LRRC7: variants seen among roughly 807,000 people sequenced by gnomAD.
The protein encoded by LRRC7 is leucine rich repeat containing 7.
A neutral mutation model predicts 175.7 loss-of-function variants in LRRC7; 23 were observed. The ratio of observed to expected loss-of-function variants is 0.13; its 90% CI spans 0.09 to 0.19. The LOEUF (loss-of-function observed/expected upper bound fraction) is 0.19, where lower values mean the gene tolerates loss of function less well. Among genes scored for constraint, LRRC7 ranks in the 10% least tolerant of loss-of-function variants. The pLI is 1.00. For synonymous variants in LRRC7, 685 were observed against 680.9 expected (o/e 1.01, Z -0.09); for missense variants, 1,354 against 1,904.7 (o/e 0.71, Z 5.38).
chr1:69,875,731 AATG>A (rs1182632223), intron 7 of LRRC7, among the ~76,000 whole-genome samples: 1 of 152,090 alleles, frequency 6.6e-6, no homozygotes, highest in Admixed American at 6.6e-5. Flanking sequence ...AAACAGGTAA[AATG>A]ATAATAAGAT....
intron 4 of LRRC7, among the ~76,000 whole-genome samples, chr1:69,813,340 A>G (rs1193298199): frequency 6.6e-6 from 1 of 152,148 alleles, no homozygotes; most frequent in East Asian, 1.9e-4. Flanking sequence ...AGACTCAACC[A>G]TACCAACTGA....
intron 7 of LRRC7, among the ~76,000 whole-genome samples, chr1:69,885,875 T>C (rs376588713): frequency 2.7e-4 from 32 of 119,548 alleles, no homozygotes; most frequent in African/African-American, 9.2e-4. Flanking sequence ...TCGTTATGTA[T>C]CCAGTAGTCA....
chr1:70,058,013 T>A (rs995370226), intron 23 of LRRC7, among the ~76,000 whole-genome samples: 9 of 132,144 alleles, frequency 6.8e-5, no homozygotes, highest in African/African-American at 2.6e-4. Flanking sequence ...AGACTCACAA[T>A]TTTTTTTTTT....
At chr1:70,058,311 A>C (rs901846629) in intron 23 of LRRC7, among the ~76,000 whole-genome samples, 6 of 152,164 alleles carry the variant, frequency 3.9e-5, no homozygotes, top group Non-Finnish European at 7.4e-5. Flanking sequence ...TGCCCGGCCC[A>C]AAATCTCAAA....
At chr1:69,601,698 C>T (rs1033655152) in intron 1 of LRRC7, among the ~76,000 whole-genome samples, 5 of 152,084 alleles carry the variant, frequency 3.3e-5, no homozygotes, top group Non-Finnish European at 7.4e-5. Flanking sequence ...ATATATAAAA[C>T]TTTTTCCAGG....
At chr1:70,103,559 T>C (rs975447985) in intron 25 of LRRC7, among the ~76,000 whole-genome samples, 3 of 152,082 alleles carry the variant, frequency 2.0e-5, no homozygotes, top group Admixed American at 2.0e-4. Context: ...CCCTGAAGAT[T>C]CCAGAAAAGA....
intron 8 of LRRC7, among the ~76,000 whole-genome samples, chr1:69,955,007 G>A (rs1185038465): frequency 6.6e-6 from 1 of 151,958 alleles, no homozygotes. Flanking sequence ...GAATAATTAG[G>A]ATCAAATTAT....
intron 2 of LRRC7, among the ~76,000 whole-genome samples, chr1:69,729,421 T>C (rs758586854): frequency 3.9e-4 from 59 of 152,034 alleles, no homozygotes; most frequent in Non-Finnish European, 5.6e-4. Context: ...CTAGATACAA[T>C]GGGGGTACAG....
At chr1:69,801,213 G>A (rs934234531) in intron 4 of LRRC7, among the ~76,000 whole-genome samples, 1 of 151,850 alleles carries the variant, frequency 6.6e-6, no homozygotes. Context: ...TTGGTATCAG[G>A]ATAATACTTG....
intron 9 of LRRC7, among the ~76,000 whole-genome samples, chr1:69,984,563 C>T (rs564110274): frequency 6.6e-6 from 1 of 152,222 alleles, no homozygotes; most frequent in African/African-American, 2.4e-5. Flanking sequence ...TGCCCTAACT[C>T]CTCTAGTCCG....
chr1:69,910,863 C>T (rs2101701264), intron 7 of LRRC7, among the ~76,000 whole-genome samples: 1 of 152,344 alleles, frequency 6.6e-6, no homozygotes, highest in South Asian at 2.1e-4. Flanking sequence ...GTTTGAGCTT[C>T]CTGGCTGCTT....
In LRRC7 at chr1:70,141,484, A is replaced by ATATC. The variant is rs1223270214; in HGVS notation, c.*19600_*19603dup. On this transcript the variant is annotated 3_prime_UTR_variant, in exon 27 of 27. Coordinates refer to ENST00000651989, the MANE Select transcript of LRRC7 (RefSeq NM_001370785.2). ...CAATCCTAAATCTCCTATGTCCTCA[A>ATATC]TATCTAGAAACAAGCAGGAACTGTT... is the stretch of plus-strand genomic sequence containing the variant. The ATATC allele has an allele frequency of 7.9e-5, 12 of 152,240 alleles. No homozygotes were observed. In the East Asian group the frequency reaches 2.1e-3, roughly 27 times the overall value. The allele number at this position is 152,240 out of a possible 1,614,324, so 9.4% of individuals were successfully genotyped here. A position where few individuals can be genotyped will look rare whatever the true frequency, so the allele number is the denominator to read the frequency against.
Position 69,569,539 on chromosome 1 carries a change from T to C in LRRC7, c.2+898T>C, listed in dbSNP as rs147226489. 7.0e-3 allele frequency among the ~76,000 whole-genome samples: 1,044 copies of C among 150,026 alleles called. 11 individuals carry two copies. Among genetic ancestry groups the C allele is most frequent in the African/African-American group, 0.024 (982 of 41,246 alleles). The stretch of plus-strand genomic sequence containing the variant: ...GCACCCTGGCTCGTGGACTATTAGA[T>C]TGGCTACCAGTGGTCTCTAATCTTA... On this transcript the variant is annotated intron_variant, in intron 1 of 26. Transcript: ENST00000651989.
Position 70,076,231 on chromosome 1 carries a change from G to A in LRRC7, c.4385G>A (p.Gly1462Glu). 6.2e-7 allele frequency: 1 copy of A among 1,614,056 alleles called. No homozygotes were observed. Among genetic ancestry groups the A allele is most frequent in the Non-Finnish European group, 8.5e-7 (1 of 1,179,980 alleles). ...ATCCCCTCTTCACAGGCCACCCGGGGACCTCAGCCTGGACGGTGCTTAATT... is the reference window on the plus strand; with the variant it reads ...ATCCCCTCTTCACAGGCCACCCGGGAACCTCAGCCTGGACGGTGCTTAATT... ...IQIPSSQATR[G>E]PQPGRCLIQT... The change falls in exon 24 of 27, where the codon GGA becomes GAA. Residue 1462 changes from glycine to glutamate, a missense_variant. Gly to Glu is a moderately conservative substitution (Grantham distance 98). Around this residue, in one of 4 missense-constraint regions of LRRC7, gnomAD observed 1,032 missense variants for 1,227.2 expected, o/e 0.84. Transcript: ENST00000651989.
At chr1:69,601,163 A>G (rs745760923) in intron 1 of LRRC7, among the ~76,000 whole-genome samples, 1 of 152,188 alleles carries the variant, frequency 6.6e-6, no homozygotes, top group African/African-American at 2.4e-5. Flanking sequence ...AGATCAGGAC[A>G]CTAGGTGTAC....
intron 1 of LRRC7, among the ~76,000 whole-genome samples, chr1:69,622,083 C>CT (rs1557499206): frequency 6.6e-6 from 1 of 152,202 alleles, no homozygotes; most frequent in Non-Finnish European, 1.5e-5. Context: ...CAAAGAAATG[C>CT]TAGCTACTCA....
At chr1:69,718,098 A>AG (rs1665839920) in intron 2 of LRRC7, among the ~76,000 whole-genome samples, 1 of 96,172 alleles carries the variant, frequency 1.0e-5, no homozygotes, top group African/African-American at 4.5e-5. Flanking sequence ...AAGAAAGAGA[A>AG]GAAAGAGAGA....
intron 8 of LRRC7, among the ~76,000 whole-genome samples, chr1:69,973,125 G>A (rs952475050): frequency 2.7e-5 from 4 of 150,010 alleles, no homozygotes; most frequent in African/African-American, 9.8e-5. Context: ...TGAATTAATG[G>A]CATTCACAGC....
chr1:69,840,182 T>C (rs1293783154), intron 7 of LRRC7, among the ~76,000 whole-genome samples: 1 of 151,912 alleles, frequency 6.6e-6, no homozygotes, highest in African/African-American at 2.4e-5. Context: ...AAGAACCAAA[T>C]TCAGGCATAA....
Sources: allele counts gnomAD v4.1 joint callset (sites outside exome capture counted in the v4.1 genomes callset), GRCh38; gene constraint gnomAD v4.1.1; regional missense constraint gnomAD v4.1.1; transcripts MANE v1.5; gene names NCBI Gene and HGNC (gene_info 2026-07-23, HGNC 2026-07-21).